HS3ST4: variants seen among roughly 807,000 people sequenced by gnomAD.
The protein encoded by HS3ST4 is heparan sulfate glucosamine 3-O-sulfotransferase 4.
In HS3ST4, 17 loss-of-function variants were observed where a neutral mutation model predicts 29.2. The ratio of observed to expected loss-of-function variants is 0.58; its 90% CI spans 0.40 to 0.87. HS3ST4 has a LOEUF of 0.87. HS3ST4 is among the 40% of genes least tolerant of loss of function. The probability of loss-of-function intolerance (pLI) is 0.00; values close to 1 mark genes in which losing one functional copy is unlikely to be tolerated. For missense variants in HS3ST4, 627 were observed against 634.5 expected (o/e 0.99, Z 0.13); for synonymous variants, 314 against 285.7 (o/e 1.10, Z -1.00).
At chr16:25,757,373 C>G (rs1044485583) in intron 1 of HS3ST4, among the ~76,000 whole-genome samples, 3 of 152,038 alleles carry the variant, frequency 2.0e-5, no homozygotes, top group African/African-American at 7.2e-5. Context: ...ATCTTTATAG[C>G]CATACCTCAT....
chr16:26,108,994 G>A (rs981796939), intron 1 of HS3ST4, among the ~76,000 whole-genome samples: 2 of 152,080 alleles, frequency 1.3e-5, no homozygotes, highest in Non-Finnish European at 2.9e-5. Context: ...CACCACCTCA[G>A]CCCATCCTAG....
chr16:25,696,927 C>T (rs1489651854), intron 1 of HS3ST4, among the ~76,000 whole-genome samples: 1 of 152,168 alleles, frequency 6.6e-6, no homozygotes, highest in Non-Finnish European at 1.5e-5. Context: ...AGATATGTAG[C>T]AGCATTTCCA....
rs190086184 is a variant in HS3ST4, at chr16:25,847,514, A to C, written c.734+154363A>C. ...TTTTTGACTTGGTGCAATGTCTAGA[A>C]TATCTAAGACAATGTTGAATGTTAA... On this transcript the variant is annotated intron_variant, in intron 1 of 1. Transcript: ENST00000331351. Among the ~76,000 whole-genome samples the C allele has an allele frequency of 3.8e-3, 573 of 152,322 alleles. 2 individuals are homozygous for C. Among genetic ancestry groups the C allele is most frequent in the African/African-American group, 0.013 (547 of 41,574 alleles).
intron 1 of HS3ST4, among the ~76,000 whole-genome samples, chr16:25,828,219 TTCC>T (rs1366619174): frequency 1.4e-5 from 2 of 142,440 alleles, no homozygotes; most frequent in Non-Finnish European, 3.1e-5. Context: ...CTTGCTTTCT[TTCC>T]TTTCTTTCTT....
At chr16:25,756,127 T>TACACACACACACACACAC (rs61054132) in intron 1 of HS3ST4, among the ~76,000 whole-genome samples, 1 of 140,652 alleles carries the variant, frequency 7.1e-6, no homozygotes, top group African/African-American at 2.6e-5. Context: ...CACACACACA[T>TACACACACACACACACAC]ACACACACAC....
chr16:26,131,257 T>C (rs1437825884), intron 1 of HS3ST4, among the ~76,000 whole-genome samples: 1 of 152,184 alleles, frequency 6.6e-6, no homozygotes, highest in East Asian at 1.9e-4. Flanking sequence ...CACTCCTATC[T>C]TTTCTCAGCA....
At chr16:25,878,620 C>G (rs1197745868) in intron 1 of HS3ST4, among the ~76,000 whole-genome samples, 2 of 152,102 alleles carry the variant, frequency 1.3e-5, no homozygotes, top group South Asian at 2.1e-4. Flanking sequence ...ACCTGCTTCC[C>G]CATTAAGGAC....
chr16:25,865,672 A>G (rs1330421535), intron 1 of HS3ST4, among the ~76,000 whole-genome samples: 1 of 152,244 alleles, frequency 6.6e-6, no homozygotes, highest in Non-Finnish European at 1.5e-5. Context: ...AAATCAATCA[A>G]TTTATGGCTA....
At chr16:25,989,138 T>A (rs558310863) in intron 1 of HS3ST4, among the ~76,000 whole-genome samples, 1 of 152,302 alleles carries the variant, frequency 6.6e-6, no homozygotes, top group East Asian at 1.9e-4. Context: ...CTTATTTGAA[T>A]CTGGCTTGAA....
intron 1 of HS3ST4, among the ~76,000 whole-genome samples, chr16:26,010,964 G>T (rs1426969196): frequency 6.6e-6 from 1 of 152,098 alleles, no homozygotes; most frequent in Non-Finnish European, 1.5e-5. Flanking sequence ...CTCTCCTAAG[G>T]GTAGTTTTGA....
At chr16:25,766,211 G>A (rs1966818255) in intron 1 of HS3ST4, among the ~76,000 whole-genome samples, 1 of 151,922 alleles carries the variant, frequency 6.6e-6, no homozygotes, top group South Asian at 2.1e-4. Context: ...CTATCAACAA[G>A]GCCCACCTCC....
intron 1 of HS3ST4, among the ~76,000 whole-genome samples, chr16:25,980,823 A>T (rs1001920801): frequency 6.6e-6 from 1 of 152,214 alleles, no homozygotes; most frequent in Non-Finnish European, 1.5e-5. Flanking sequence ...ATGGGGAAGA[A>T]CTAGGGTCAG....
chr16:25,926,802 C>G (rs1212152197), intron 1 of HS3ST4, among the ~76,000 whole-genome samples: 2 of 152,202 alleles, frequency 1.3e-5, no homozygotes, highest in Non-Finnish European at 2.9e-5. Context: ...GCCTTCCAGC[C>G]ACTGATGGTT....
At chr16:26,101,175 C>T (rs560875432) in intron 1 of HS3ST4, among the ~76,000 whole-genome samples, 5 of 152,200 alleles carry the variant, frequency 3.3e-5, no homozygotes, top group Admixed American at 2.6e-4. Flanking sequence ...AGGCTTCTGG[C>T]TTCTGCTCTC....
At chr16:25,933,690 G>A (rs145529196) in intron 1 of HS3ST4, among the ~76,000 whole-genome samples, 568 of 152,272 alleles carry the variant, frequency 3.7e-3, no homozygotes, top group Middle Eastern at 0.02. Flanking sequence ...CAGGCTGCTC[G>A]TGATGCATGG....
intron 1 of HS3ST4, among the ~76,000 whole-genome samples, chr16:25,945,334 A>G (rs1968614535): frequency 6.6e-6 from 1 of 152,124 alleles, no homozygotes; most frequent in Admixed American, 6.6e-5. Flanking sequence ...TTACATGTTA[A>G]TGCATTTTTC....
intron 1 of HS3ST4, among the ~76,000 whole-genome samples, chr16:26,024,408 G>A (rs8050078): frequency 0.54 from 82,142 of 151,824 alleles, 22,958 homozygotes; most frequent in South Asian, 0.74. Flanking sequence ...TGTAGGAAGA[G>A]CACCCTCTGG....
In HS3ST4 at chr16:26,116,409, G is replaced by A. The variant is rs570344361; in HGVS notation, c.735-19203G>A. On this transcript the variant is annotated intron_variant, in intron 1 of 1. Coordinates refer to ENST00000331351, the MANE Select transcript of HS3ST4 (RefSeq NM_006040.3). The stretch of plus-strand genomic sequence containing the variant: ...GTCCCTGATCACACCCGCATTCAAG[G>A]GGAGAAGGTTATGCAAGGACATAGT... Among the ~76,000 whole-genome samples the A allele has an allele frequency of 4.0e-3, 605 of 152,296 alleles. 3 individuals carry two copies. Among genetic ancestry groups the A allele is most frequent in the Middle Eastern group, 0.017 (5 of 294 alleles).
chr16:26,065,418 A>G (rs1405976673), intron 1 of HS3ST4, among the ~76,000 whole-genome samples: 2 of 152,226 alleles, frequency 1.3e-5, no homozygotes, highest in African/African-American at 4.8e-5. Flanking sequence ...TGGGAGCTAA[A>G]TGATGAAAAC....
Sources: allele counts gnomAD v4.1 joint callset (sites outside exome capture counted in the v4.1 genomes callset), GRCh38; gene constraint gnomAD v4.1.1; transcripts MANE v1.5; gene names NCBI Gene and HGNC (gene_info 2026-07-23, HGNC 2026-07-21).